The following JAKMIP2 variants were observed in gnomAD, a reference collection of about 807,000 sequenced individuals.
The protein encoded by JAKMIP2 is janus kinase and microtubule-interacting protein 2.
Under a neutral mutation model 115.0 loss-of-function variants are expected in JAKMIP2, and 25 were observed. The ratio of observed to expected loss-of-function variants is 0.22; its 90% CI spans 0.16 to 0.30. JAKMIP2 has a LOEUF of 0.30. JAKMIP2 is among the 10% of genes least tolerant of loss of function. JAKMIP2 has a pLI of 1.00. For missense variants in JAKMIP2, 642 were observed against 957.6 expected (o/e 0.67, Z 4.35); for synonymous variants, 334 against 343.6 (o/e 0.97, Z 0.31).
chr5:147,642,255 G>A (rs1175494000), intron 7 of JAKMIP2, among the ~76,000 whole-genome samples: 1 of 152,160 alleles, frequency 6.6e-6, no homozygotes, highest in Non-Finnish European at 1.5e-5. Context: ...ATAGGACAGG[G>A]AACAGAGTAG....
chr5:147,709,832 A>T (rs1176569572), intron 1 of JAKMIP2, among the ~76,000 whole-genome samples: 2 of 152,198 alleles, frequency 1.3e-5, no homozygotes, highest in African/African-American at 2.4e-5. Flanking sequence ...CCTGGGCAAC[A>T]GCGCAAGATT....
At chr5:147,722,678 AGAAAT>A (rs1206625430) in intron 1 of JAKMIP2, among the ~76,000 whole-genome samples, 1 of 152,224 alleles carries the variant, frequency 6.6e-6, no homozygotes, top group Non-Finnish European at 1.5e-5. Flanking sequence ...CGGTATTATT[AGAAAT>A]GAAATGAAGA....
chr5:147,733,358 G>A (rs1354364927), intron 1 of JAKMIP2, among the ~76,000 whole-genome samples: 2 of 152,174 alleles, frequency 1.3e-5, no homozygotes, highest in Non-Finnish European at 2.9e-5. Context: ...CCTCATTCTT[G>A]CCTTTCCTAA....
At chr5:147,737,804 C>G (rs1753981634) in intron 1 of JAKMIP2, among the ~76,000 whole-genome samples, 1 of 152,116 alleles carries the variant, frequency 6.6e-6, no homozygotes, top group Non-Finnish European at 1.5e-5. Context: ...ATATATAGTT[C>G]AGGAAATTTA....
At chr5:147,594,469 G>C (rs1190511726) in intron 21 of JAKMIP2, 10 of 454,014 alleles carry the variant, frequency 2.2e-5, no homozygotes, top group Admixed American at 1.2e-4. Context: ...CAAGTAGCTG[G>C]TACTACAGGT....
At chr5:147,628,877 T>C in intron 15 of JAKMIP2, 61 bp from the exon 16 acceptor site, 1 of 1,255,858 alleles carries the variant, frequency 8.0e-7, no homozygotes, top group Non-Finnish European at 1.2e-6. Flanking sequence ...CCAAAGAAAA[T>C]ACTGTCTGAC....
chr5:147,659,989 T>C (rs1758876671), intron 3 of JAKMIP2, among the ~76,000 whole-genome samples: 1 of 152,124 alleles, frequency 6.6e-6, no homozygotes, highest in African/African-American at 2.4e-5. Flanking sequence ...TGCTTAGAAC[T>C]AGAAGACAAA....
chr5:147,618,210 A>C (rs1300066960), intron 18 of JAKMIP2, 96 bp from the exon 19 acceptor site: 2 of 868,864 alleles, frequency 2.3e-6, no homozygotes, highest in Non-Finnish European at 1.9e-6. Flanking sequence ...ATGGCTGCCA[A>C]CTTTAGGCTT....
At chr5:147,611,033 C>G (rs1342524861) in intron 20 of JAKMIP2, among the ~76,000 whole-genome samples, 3 of 152,132 alleles carry the variant, frequency 2.0e-5, no homozygotes, top group Admixed American at 2.0e-4. Flanking sequence ...TGCCCCTCCC[C>G]CCACCAAGAT....
Position 147,782,656 on chromosome 5 carries a change from G to T in JAKMIP2, c.-349C>A, listed in dbSNP as rs145371915. ...CACTAGAGTATCAGCAATAGAGGCGGCGGCGGCGGCAGCAGCAGCAGCAGC... is the reference window on the plus strand; with the variant it reads ...CACTAGAGTATCAGCAATAGAGGCGTCGGCGGCGGCAGCAGCAGCAGCAGC... On this transcript the variant is annotated 5_prime_UTR_variant, in exon 1 of 22. Transcript: ENST00000616793. 1.5e-6 allele frequency: 1 copy of T among 675,322 alleles called. No homozygotes were observed. 41.8% of individuals were successfully genotyped at this position (675,322 alleles called of 1,614,324 possible).
chr5:147,675,186 A>AT (rs1412904954), intron 1 of JAKMIP2, among the ~76,000 whole-genome samples: 1 of 152,142 alleles, frequency 6.6e-6, no homozygotes, highest in Non-Finnish European at 1.5e-5. Flanking sequence ...GACTTTATAT[A>AT]TTTTTAGCCT....
intron 1 of JAKMIP2, among the ~76,000 whole-genome samples, chr5:147,736,243 A>T (rs1040940259): frequency 2.0e-5 from 3 of 151,906 alleles, no homozygotes; most frequent in African/African-American, 4.8e-5. Flanking sequence ...ATCACTTGAG[A>T]TCAGGAGGTC....
At chr5:147,749,076 C>T (rs1439437569) in intron 1 of JAKMIP2, among the ~76,000 whole-genome samples, 1 of 152,080 alleles carries the variant, frequency 6.6e-6, no homozygotes, top group Non-Finnish European at 1.5e-5. Context: ...AAAATTGAAG[C>T]TCAAAAAGGT....
chr5:147,752,700 C>T (rs1754601682), intron 1 of JAKMIP2, among the ~76,000 whole-genome samples: 1 of 151,928 alleles, frequency 6.6e-6, no homozygotes, highest in East Asian at 1.9e-4. Context: ...TGCGGGGTGG[C>T]ACTATAGATA....
chr5:147,623,783 T>C (rs1198131121), intron 16 of JAKMIP2, 94 bp from the exon 17 acceptor site: 17 of 713,594 alleles, frequency 2.4e-5, no homozygotes, highest in Non-Finnish European at 3.2e-5. Context: ...CCTCCCCTTA[T>C]ATCTCAGGAA....
intron 3 of JAKMIP2, among the ~76,000 whole-genome samples, chr5:147,653,610 A>T (rs1581360322): frequency 6.6e-6 from 1 of 152,090 alleles, no homozygotes; most frequent in Non-Finnish European, 1.5e-5. Context: ...TCTGGATATT[A>T]CACCTTTGTC....
At chr5:147,750,266 G>T (rs942156635) in intron 1 of JAKMIP2, among the ~76,000 whole-genome samples, 16 of 152,112 alleles carry the variant, frequency 1.1e-4, no homozygotes, top group Admixed American at 3.9e-4. Context: ...GTGAGAAATG[G>T]CAGGAAGGAG....
chr5:147,674,375 C>T (rs888911149), intron 1 of JAKMIP2, among the ~76,000 whole-genome samples: 4 of 152,284 alleles, frequency 2.6e-5, no homozygotes, highest in Middle Eastern at 6.8e-3. Context: ...GCTTCATAGT[C>T]CCTTCATTGT....
At chr5:147,645,031 T>G in intron 5 of JAKMIP2, 35 bp from the exon 6 acceptor site, 1 of 1,607,806 alleles carries the variant, frequency 6.2e-7, no homozygotes, top group South Asian at 1.1e-5. Context: ...GTGTCTTGCG[T>G]TTGGGGGACG....
Sources: allele counts gnomAD v4.1 joint callset (sites outside exome capture counted in the v4.1 genomes callset), GRCh38; gene constraint gnomAD v4.1.1; transcripts MANE v1.5; gene names NCBI Gene and HGNC (gene_info 2026-07-23, HGNC 2026-07-21).